The following MTUS2 variants were observed in gnomAD, a reference collection of about 807,000 sequenced individuals.
MTUS2 encodes microtubule associated scaffold protein 2.
MTUS2 carries 40 observed loss-of-function variants against 114.1 expected under a neutral mutation model. That is an observed-to-expected ratio of 0.35 (90% CI 0.27 to 0.46). The LOEUF (loss-of-function observed/expected upper bound fraction) is 0.46. Ranked by LOEUF, MTUS2 falls within the 20% of genes least tolerant of loss-of-function variation. The pLI, the probability that MTUS2 is intolerant of heterozygous loss-of-function variation, is 1.00. For missense variants in MTUS2, 1,679 were observed against 1,705.4 expected (o/e 0.98, Z 0.27); for synonymous variants, 688 against 672.0 (o/e 1.02, Z -0.37).
At chr13:28,941,479 CTT>C (rs1218490514) in intron 2 of MTUS2, among the ~76,000 whole-genome samples, 22 of 151,776 alleles carry the variant, frequency 1.4e-4, no homozygotes. Context: ...TTAAAAATAT[CTT>C]TTTATATTTT....
intron 8 of MTUS2, among the ~76,000 whole-genome samples, chr13:29,374,185 G>A (rs1871405045): frequency 6.6e-6 from 1 of 152,176 alleles, no homozygotes; most frequent in Non-Finnish European, 1.5e-5. Flanking sequence ...AAAGAACAGA[G>A]CCTCAGAAAC....
At chr13:29,086,302 C>A (rs1008708961) in intron 4 of MTUS2, among the ~76,000 whole-genome samples, 1 of 152,026 alleles carries the variant, frequency 6.6e-6, no homozygotes, top group Admixed American at 6.6e-5. Flanking sequence ...TTATTTATTT[C>A]TTCTTTTTGT....
intron 9 of MTUS2, among the ~76,000 whole-genome samples, chr13:29,445,224 T>G (rs1878191535): frequency 6.6e-6 from 1 of 152,196 alleles, no homozygotes; most frequent in South Asian, 2.1e-4. Context: ...GAGTGCTGTT[T>G]TCTGATGCCC....
rs565988000 is a variant in MTUS2 at position 29,456,863 on chromosome 13, C to T, written c.3184+16814C>T. On this transcript the variant is annotated intron_variant, in intron 9 of 15. Coordinates refer to ENST00000612955, the MANE Select transcript of MTUS2 (RefSeq NM_001033602.4). The stretch of plus-strand genomic sequence containing the variant: ...GATAAATATAAAAGACTAGGCCGGG[C>T]ACGGTGGCTCACGCCTGTAATCCCA... Among the ~76,000 whole-genome samples, 6 of 152,174 alleles carry T rather than the reference C, an allele frequency of 3.9e-5. No homozygotes were observed. In the East Asian group the frequency reaches 5.8e-4, roughly 15 times the overall value.
At chr13:28,904,104 GTTGT>G (rs1336084656) in intron 2 of MTUS2, among the ~76,000 whole-genome samples, 4 of 152,004 alleles carry the variant, frequency 2.6e-5, no homozygotes, top group South Asian at 2.1e-4. Context: ...TGTTGATGGG[GTTGT>G]TTGTTTTTTT....
intron 1 of MTUS2, among the ~76,000 whole-genome samples, chr13:28,821,278 T>C (rs1240765948): frequency 3.9e-5 from 6 of 152,166 alleles, no homozygotes; most frequent in African/African-American, 1.4e-4. Context: ...TTTAAGATAA[T>C]ATAGGACCCT....
At chr13:28,997,917 A>G (rs1566280137) in intron 2 of MTUS2, among the ~76,000 whole-genome samples, 1 of 152,132 alleles carries the variant, frequency 6.6e-6, no homozygotes, top group Non-Finnish European at 1.5e-5. Context: ...TTATGTGAGA[A>G]TTTGATCCTG....
At position 29,246,147 on chromosome 13, in the gene MTUS2, C is replaced by G. The variant is rs537490596; in HGVS notation, c.2645-35557C>G. Among the ~76,000 whole-genome samples the G allele has an allele frequency of 9.9e-5, 15 of 152,026 alleles. 1 individual carries two copies. In the South Asian group the frequency reaches 3.1e-3, roughly 32 times the overall value. On this transcript the variant is annotated intron_variant, in intron 5 of 15. Coordinates refer to ENST00000612955, the MANE Select transcript of MTUS2 (RefSeq NM_001033602.4). Reference sequence around the variant, plus strand: ...TTTTTAAATATTCAGTAAATAATAGCAGAAGTGGCAAAAAAAATAGCAAAG... The same window carrying G: ...TTTTTAAATATTCAGTAAATAATAGGAGAAGTGGCAAAAAAAATAGCAAAG...
At chr13:29,046,605 C>T (rs780725052) in intron 4 of MTUS2, among the ~76,000 whole-genome samples, 2 of 152,178 alleles carry the variant, frequency 1.3e-5, no homozygotes, top group Non-Finnish European at 2.9e-5. Flanking sequence ...AAACCCTTCC[C>T]CTGCATTTTC....
Position 29,496,163 on chromosome 13 carries a change from C to T in MTUS2, c.3580-1075C>T, listed in dbSNP as rs1882541903. ...GAGTGGGGCAGGGTCAGTGCAGGTG[C>T]ATCTGCCCTGGGACCTGGGGAAGGG... is the stretch of plus-strand genomic sequence containing the variant. On this transcript the variant is annotated intron_variant, in intron 12 of 15. Transcript: ENST00000612955. This position sits in a 1 kb window ranked among gnomAD's most constrained non-coding sequence, Gnocchi z 4.3. 1.3e-5 allele frequency among the ~76,000 whole-genome samples: 2 copies of T among 152,146 alleles called. No homozygotes were observed. Among genetic ancestry groups the T allele is most frequent in the South Asian group, 4.1e-4 (2 of 4,828 alleles).
chr13:29,501,851 A>ATG (rs1442379298), intron 15 of MTUS2, among the ~76,000 whole-genome samples: 2,104 of 125,126 alleles, frequency 0.017, 24 homozygotes, highest in Middle Eastern at 0.043. Flanking sequence ...GGCACTGCTC[A>ATG]CTCACACACA....
chr13:29,188,302 G>C (rs1470417534), intron 5 of MTUS2, among the ~76,000 whole-genome samples: 2 of 152,074 alleles, frequency 1.3e-5, no homozygotes, highest in Non-Finnish European at 2.9e-5. Context: ...TAGGTCCCTG[G>C]GTGAAATGAT....
intron 8 of MTUS2, among the ~76,000 whole-genome samples, chr13:29,434,276 A>G (rs1343675739): frequency 6.6e-6 from 1 of 152,136 alleles, no homozygotes; most frequent in Non-Finnish European, 1.5e-5. Context: ...TAGAGGGAAA[A>G]GGGGCCCATC....
chr13:29,309,909 A>T, intron 6 of MTUS2, among the ~76,000 whole-genome samples: 1 of 152,082 alleles, frequency 6.6e-6, no homozygotes, highest in East Asian at 1.9e-4. Context: ...TCCTTTCTTT[A>T]TGTTACAAAC....
chr13:28,821,792 C>A (rs1219901292), intron 1 of MTUS2, among the ~76,000 whole-genome samples: 1 of 151,994 alleles, frequency 6.6e-6, no homozygotes, highest in Non-Finnish European at 1.5e-5. Context: ...TAAGGTAAGT[C>A]AAAAATACGT....
At position 29,025,727 on chromosome 13, in the gene MTUS2, G is replaced by C. The variant is rs200973208; in HGVS notation, c.1029G>C (p.Leu343Phe). The change falls in exon 3 of 16, where the codon TTG becomes TTC. Residue 343 changes from leucine to phenylalanine, a missense_variant. Leu to Phe is a conservative substitution (Grantham distance 22). Around this residue, in one of 3 missense-constraint regions of MTUS2, gnomAD observed 843 missense variants for 770.8 expected, o/e 1.09. Coordinates refer to ENST00000612955, the MANE Select transcript of MTUS2 (RefSeq NM_001033602.4). ...GCHKEENLSA[L>F]EGRDPCGEAH... is the part of the protein sequence containing the mutation. ...ACAAGGAAGAGAATCTGTCAGCCTT[G>C]GAGGGAAGGGATCCATGTGGGGAAG... 6.2e-7 allele frequency: 1 copy of C among 1,614,004 alleles called. No homozygotes were observed.
At chr13:28,949,379 C>T (rs1225929607) in intron 2 of MTUS2, among the ~76,000 whole-genome samples, 3 of 152,198 alleles carry the variant, frequency 2.0e-5, no homozygotes, top group African/African-American at 4.8e-5. Flanking sequence ...CTGTTTCCAG[C>T]ACAGTTTCTT....
At chr13:29,004,133 A>G (rs1885500012) in intron 2 of MTUS2, among the ~76,000 whole-genome samples, 1 of 152,188 alleles carries the variant, frequency 6.6e-6, no homozygotes, top group African/African-American at 2.4e-5. Flanking sequence ...ATGACAAATA[A>G]TTCTACAATG....
At chr13:28,960,351 T>C (rs1883267871) in intron 2 of MTUS2, among the ~76,000 whole-genome samples, 1 of 152,196 alleles carries the variant, frequency 6.6e-6, no homozygotes, top group Non-Finnish European at 1.5e-5. Flanking sequence ...TATAGAGTTA[T>C]CATATGACTC....
Sources: allele counts gnomAD v4.1 joint callset (sites outside exome capture counted in the v4.1 genomes callset), GRCh38; gene constraint gnomAD v4.1.1; regional missense constraint gnomAD v4.1.1; non-coding constraint Gnocchi (gnomAD v3.1); transcripts MANE v1.5; gene names NCBI Gene and HGNC (gene_info 2026-07-23, HGNC 2026-07-21).